Variants in KCNQ3 observed in about 807,000 individuals in gnomAD.
KCNQ3 encodes the protein potassium voltage-gated channel subfamily KQT member 3.
In KCNQ3, 30 loss-of-function variants were observed where a neutral mutation model predicts 92.5. That is an observed-to-expected ratio of 0.32 (90% CI 0.24 to 0.44). The LOEUF (loss-of-function observed/expected upper bound fraction) is 0.44, where lower values mean the gene tolerates loss of function less well. Ranked by LOEUF, KCNQ3 falls within the 20% of genes least tolerant of loss-of-function variation. The probability of loss-of-function intolerance (pLI) is 1.00; values close to 1 mark genes in which losing one functional copy is unlikely to be tolerated. For missense variants in KCNQ3, 913 were observed against 1,140.3 expected (o/e 0.80, Z 2.87); for synonymous variants, 450 against 468.8 (o/e 0.96, Z 0.52).
At chr8:132,160,318 C>T (rs192868100) in intron 9 of KCNQ3, among the ~76,000 whole-genome samples, 88 of 152,330 alleles carry the variant, frequency 5.8e-4, no homozygotes, top group Non-Finnish European at 6.3e-4. Context: ...GGCTAATGGA[C>T]TCCCTATGCA....
intron 1 of KCNQ3, among the ~76,000 whole-genome samples, chr8:132,330,851 G>A (rs1469100779): frequency 6.6e-6 from 1 of 152,214 alleles, no homozygotes; most frequent in Admixed American, 6.5e-5. Context: ...TCTGTCAGTT[G>A]TTGTGTCCCA....
chr8:132,189,270 G>A (rs1334513828), intron 1 of KCNQ3, among the ~76,000 whole-genome samples: 1 of 152,176 alleles, frequency 6.6e-6, no homozygotes, highest in African/African-American at 2.4e-5. Flanking sequence ...GCTGCTCTCT[G>A]CAGGCTCCCT....
At chr8:132,427,851 G>T (rs1473060380) in intron 1 of KCNQ3, among the ~76,000 whole-genome samples, 2 of 152,144 alleles carry the variant, frequency 1.3e-5, no homozygotes, top group African/African-American at 4.8e-5. Context: ...TCATAAAGAG[G>T]CCCAGATCTC....
chr8:132,166,957 T>C (rs1045260304), intron 8 of KCNQ3, among the ~76,000 whole-genome samples: 2 of 152,080 alleles, frequency 1.3e-5, no homozygotes, highest in African/African-American at 4.8e-5. Flanking sequence ...AAAACATATG[T>C]CCATAGAATG....
chr8:132,428,299 T>C (rs1478524682), intron 1 of KCNQ3, among the ~76,000 whole-genome samples: 2 of 152,230 alleles, frequency 1.3e-5, no homozygotes, highest in Non-Finnish European at 2.9e-5. Context: ...TCATTCTTTC[T>C]GCCTTAAAGA....
At chr8:132,365,631 A>G (rs1032837269) in intron 1 of KCNQ3, among the ~76,000 whole-genome samples, 2 of 152,222 alleles carry the variant, frequency 1.3e-5, no homozygotes, top group Non-Finnish European at 2.9e-5. Context: ...ATAATTGTAC[A>G]TGCCTCAAAG....
chr8:132,385,506 C>A (rs1329635111), intron 1 of KCNQ3, among the ~76,000 whole-genome samples: 1 of 152,200 alleles, frequency 6.6e-6, no homozygotes, highest in Non-Finnish European at 1.5e-5. Context: ...GTTGTGTCCT[C>A]AAGAATGGAC....
intron 1 of KCNQ3, among the ~76,000 whole-genome samples, chr8:132,242,403 G>A (rs1314224328): frequency 6.6e-6 from 1 of 152,066 alleles, no homozygotes; most frequent in East Asian, 1.9e-4. Flanking sequence ...TCATTAAAAC[G>A]GCTTCAAAAG....
intron 14 of KCNQ3, among the ~76,000 whole-genome samples, chr8:132,131,905 T>C (rs1002205594): frequency 1.3e-5 from 2 of 152,030 alleles, no homozygotes; most frequent in Non-Finnish European, 2.9e-5. Flanking sequence ...CTGGCCAACA[T>C]GGTGAAACCC....
At chr8:132,293,761 T>C (rs150373693) in intron 1 of KCNQ3, among the ~76,000 whole-genome samples, 198 of 152,234 alleles carry the variant, frequency 1.3e-3, no homozygotes, top group Middle Eastern at 6.8e-3. Flanking sequence ...GAGTCAGGCA[T>C]GACACGTGAA....
intron 3 of KCNQ3, among the ~76,000 whole-genome samples, chr8:132,182,170 A>G (rs1397817947): frequency 1.3e-5 from 2 of 152,138 alleles, no homozygotes; most frequent in African/African-American, 4.8e-5. Context: ...ACCTCTGGAT[A>G]CTGATACATC....
At chr8:132,276,267 G>A (rs1490569189) in intron 1 of KCNQ3, among the ~76,000 whole-genome samples, 5 of 152,180 alleles carry the variant, frequency 3.3e-5, no homozygotes, top group Non-Finnish European at 7.3e-5. Context: ...CTCAAGGCTC[G>A]TGCCTACTCC....
intron 1 of KCNQ3, chr8:132,187,297 C>A: frequency 2.2e-6 from 1 of 455,574 alleles, no homozygotes; most frequent in Non-Finnish European, 4.4e-6. Flanking sequence ...CTGGATCTGT[C>A]CTCACGAGCT....
At chr8:132,268,457 C>T (rs1232678926) in intron 1 of KCNQ3, among the ~76,000 whole-genome samples, 1 of 152,094 alleles carries the variant, frequency 6.6e-6, no homozygotes, top group Admixed American at 6.6e-5. Flanking sequence ...CGAGGTGTCA[C>T]CATATTGACC....
intron 1 of KCNQ3, among the ~76,000 whole-genome samples, chr8:132,294,002 T>G (rs56792942): frequency 0.01 from 1,116 of 110,410 alleles, 16 homozygotes; most frequent in African/African-American, 0.037. Context: ...TGTGTGTGGT[T>G]TTTTTTTTTT....
intron 1 of KCNQ3, among the ~76,000 whole-genome samples, chr8:132,206,395 A>C (rs1467821160): frequency 1.3e-5 from 2 of 152,220 alleles, no homozygotes; most frequent in African/African-American, 4.8e-5. Flanking sequence ...GGTTTAAAAG[A>C]ATCAATTCAC....
At chr8:132,274,781 G>A (rs1816272480) in intron 1 of KCNQ3, among the ~76,000 whole-genome samples, 1 of 152,162 alleles carries the variant, frequency 6.6e-6, no homozygotes, top group Non-Finnish European at 1.5e-5. Context: ...GAAGTGGGCA[G>A]CTATTAATAT....
intron 9 of KCNQ3, among the ~76,000 whole-genome samples, chr8:132,151,357 G>T (rs974114284): frequency 1.3e-5 from 2 of 152,098 alleles, no homozygotes; most frequent in African/African-American, 4.8e-5. Context: ...TAAAAGGTTA[G>T]AAAAAGGCAT....
chr8:132,405,366 C>T (rs1186819520), intron 1 of KCNQ3, among the ~76,000 whole-genome samples: 1 of 152,234 alleles, frequency 6.6e-6, no homozygotes, highest in Admixed American at 6.5e-5. Context: ...AGTCAAGGTC[C>T]TCAGCTCACC....
Sources: allele counts gnomAD v4.1 joint callset (sites outside exome capture counted in the v4.1 genomes callset), GRCh38; gene constraint gnomAD v4.1.1; transcripts MANE v1.5; gene names NCBI Gene and HGNC (gene_info 2026-07-23, HGNC 2026-07-21).